The following HDAC9 variants were observed in gnomAD, a reference collection of about 807,000 sequenced individuals.
HDAC9 encodes MEF-2 interacting transcription repressor (MITR) protein.
HDAC9 carries 41 observed loss-of-function variants against 139.4 expected under a neutral mutation model. The observed-to-expected ratio is 0.29, with a 90% CI of 0.23 to 0.38. The LOEUF is 0.38. Among genes scored for constraint, HDAC9 ranks in the 10% least tolerant of loss-of-function variants. HDAC9 has a pLI of 1.00. For synonymous variants in HDAC9, 517 were observed against 476.2 expected (o/e 1.09, Z -1.12); for missense variants, 1,147 against 1,297.0 (o/e 0.88, Z 1.78).
At chr7:18,326,151 T>C (rs1239335638) in intron 1 of HDAC9, among the ~76,000 whole-genome samples, 7 of 152,088 alleles carry the variant, frequency 4.6e-5, no homozygotes, top group Admixed American at 4.6e-4. Flanking sequence ...CAAATTACAT[T>C]TAATATTTTC....
At chr7:18,619,130 G>A (rs1268795277) in intron 6 of HDAC9, among the ~76,000 whole-genome samples, 2 of 152,028 alleles carry the variant, frequency 1.3e-5, no homozygotes, top group Admixed American at 1.3e-4. Context: ...AGGCATTCTG[G>A]CCTGTATGAG....
intron 2 of HDAC9, among the ~76,000 whole-genome samples, chr7:18,205,466 A>G (rs761043196): frequency 7.2e-5 from 11 of 152,062 alleles, no homozygotes; most frequent in Non-Finnish European, 1.2e-4. Context: ...CTTGCTGGAA[A>G]AACAGACATG....
At chr7:18,557,273 A>C (rs751559627) in intron 2 of HDAC9, among the ~76,000 whole-genome samples, 1 of 151,930 alleles carries the variant, frequency 6.6e-6, no homozygotes, top group Non-Finnish European at 1.5e-5. Flanking sequence ...ATGTAGGTCA[A>C]AGGAGATTCT....
At chr7:18,390,996 G>A (rs1402327542) in intron 1 of HDAC9, among the ~76,000 whole-genome samples, 2 of 152,168 alleles carry the variant, frequency 1.3e-5, no homozygotes, top group Non-Finnish European at 2.9e-5. Flanking sequence ...GACTGAGGTG[G>A]GAGAGTTGCT....
At chr7:18,799,963 A>G (rs1793151409) in intron 17 of HDAC9, among the ~76,000 whole-genome samples, 1 of 152,248 alleles carries the variant, frequency 6.6e-6, no homozygotes, top group South Asian at 2.1e-4. Context: ...TAGACGCACC[A>G]TAATGAAACC....
chr7:18,890,292 T>C (rs969418113), intron 22 of HDAC9, among the ~76,000 whole-genome samples: 7 of 152,238 alleles, frequency 4.6e-5, no homozygotes, highest in Admixed American at 1.3e-4. Context: ...TCTAGATCTG[T>C]GTTTTGATAA....
chr7:18,110,111 A>G (rs1490498104), intron 1 of HDAC9, among the ~76,000 whole-genome samples: 1 of 152,216 alleles, frequency 6.6e-6, no homozygotes, highest in Non-Finnish European at 1.5e-5. Flanking sequence ...AACTAAGTGG[A>G]TGACTTTCAA....
chr7:18,114,491 T>C (rs1317799251), intron 1 of HDAC9, among the ~76,000 whole-genome samples: 1 of 152,218 alleles, frequency 6.6e-6, no homozygotes, highest in Non-Finnish European at 1.5e-5. Flanking sequence ...TTGAATGCTA[T>C]TTCACCTGGA....
intron 1 of HDAC9, among the ~76,000 whole-genome samples, chr7:18,311,708 A>G (rs1799330780): frequency 6.6e-6 from 1 of 152,146 alleles, no homozygotes; most frequent in South Asian, 2.1e-4. Flanking sequence ...TCAAGGAGGG[A>G]TGAACCAAAT....
intron 1 of HDAC9, among the ~76,000 whole-genome samples, chr7:18,423,839 G>A (rs1446504955): frequency 3.9e-5 from 6 of 152,214 alleles, no homozygotes; most frequent in African/African-American, 1.2e-4. Flanking sequence ...ATGGGCCAAA[G>A]CAAGTCACAG....
chr7:18,629,339 TCA>T lies in HDAC9; in HGVS notation c.665-10_665-9del. ...TTTTATCTATTTTTTTTTTTTTGTCTCAATCCCCAGCCTCTGAGCCCAACTTG... is the reference window on the plus strand; with the variant it reads ...TTTTATCTATTTTTTTTTTTTTGTCTATCCCCAGCCTCTGAGCCCAACTTG... On this transcript the variant is annotated splice_polypyrimidine_tract_variant and intron_variant, in intron 6 of 25. Transcript: ENST00000686413. 1 of 1,536,932 alleles carries T rather than the reference TCA, an allele frequency of 6.5e-7. No individual in the cohort carries two copies. The highest frequency in any genetic ancestry group is 2.0e-5 in the Admixed American group (1 of 49,604).
chr7:18,442,820 A>C (rs544116996), intron 1 of HDAC9, among the ~76,000 whole-genome samples: 1 of 151,992 alleles, frequency 6.6e-6, no homozygotes, highest in Non-Finnish European at 1.5e-5. Flanking sequence ...TGGTTTGTCT[A>C]CCTCCCCAGA....
intron 1 of HDAC9, among the ~76,000 whole-genome samples, chr7:18,464,486 T>C (rs1794103558): frequency 6.6e-6 from 1 of 152,072 alleles, no homozygotes; most frequent in Non-Finnish European, 1.5e-5. Context: ...GGTTCATCTG[T>C]GTCATCTTGA....
At chr7:18,112,969 G>A (rs1783726162) in intron 1 of HDAC9, among the ~76,000 whole-genome samples, 1 of 152,124 alleles carries the variant, frequency 6.6e-6, no homozygotes, top group Admixed American at 6.5e-5. Context: ...AGTAGAGAGG[G>A]AGAGATTGAT....
intron 15 of HDAC9, among the ~76,000 whole-genome samples, chr7:18,764,992 G>A (rs1048029532): frequency 3.3e-5 from 5 of 152,112 alleles, no homozygotes; most frequent in African/African-American, 7.2e-5. Context: ...AGGTTACATG[G>A]AGAAGACATT....
chr7:18,566,734 G>A (rs1822491051), intron 2 of HDAC9, among the ~76,000 whole-genome samples: 1 of 152,216 alleles, frequency 6.6e-6, no homozygotes, highest in Non-Finnish European at 1.5e-5. Flanking sequence ...GCAAGCAATT[G>A]AGAGTAGACT....
At chr7:18,940,292 CA>C in intron 23 of HDAC9, among the ~76,000 whole-genome samples, 1 of 152,198 alleles carries the variant, frequency 6.6e-6, no homozygotes, top group East Asian at 1.9e-4. Flanking sequence ...ATCTACTTAG[CA>C]AAACATCTCT....
chr7:18,720,139 G>T (rs947150227), intron 12 of HDAC9, among the ~76,000 whole-genome samples: 1 of 151,936 alleles, frequency 6.6e-6, no homozygotes, highest in Non-Finnish European at 1.5e-5. Flanking sequence ...GCAGGAAATG[G>T]GTAGAAATGG....
chr7:18,636,785 G>A (rs1309968607), intron 8 of HDAC9, among the ~76,000 whole-genome samples: 1 of 152,042 alleles, frequency 6.6e-6, no homozygotes, highest in Non-Finnish European at 1.5e-5. Flanking sequence ...GTTGTAGATA[G>A]CATCTTTTTG....
Sources: allele counts gnomAD v4.1 joint callset (sites outside exome capture counted in the v4.1 genomes callset), GRCh38; gene constraint gnomAD v4.1.1; transcripts MANE v1.5; gene names NCBI Gene and HGNC (gene_info 2026-07-23, HGNC 2026-07-21).